CRIM1: variants seen among roughly 807,000 people sequenced by gnomAD.
CRIM1 encodes the protein cysteine rich transmembrane BMP regulator 1, also known as cysteine-rich motor neuron 1 protein.
Under a neutral mutation model 116.4 loss-of-function variants are expected in CRIM1, and 32 were observed. The ratio of observed to expected loss-of-function variants is 0.27; its 90% CI spans 0.21 to 0.37. The LOEUF (loss-of-function observed/expected upper bound fraction) is 0.37, where lower values mean the gene tolerates loss of function less well. Among genes scored for constraint, CRIM1 ranks in the 10% least tolerant of loss-of-function variants. The pLI is 1.00. For missense variants in CRIM1, 1,331 were observed against 1,354.8 expected (o/e 0.98, Z 0.28); for synonymous variants, 590 against 509.2 (o/e 1.16, Z -2.13).
At chr2:36,393,199 G>T (rs1056592807) in intron 1 of CRIM1, among the ~76,000 whole-genome samples, 1 of 152,156 alleles carries the variant, frequency 6.6e-6, no homozygotes, top group African/African-American at 2.4e-5. Context: ...TGAACGGGGG[G>T]AAGAGAGTAA....
chr2:36,358,656 T>C (rs539268643), intron 1 of CRIM1, among the ~76,000 whole-genome samples: 9 of 152,340 alleles, frequency 5.9e-5, no homozygotes, highest in African/African-American at 2.2e-4. Context: ...CGCTTTGAAA[T>C]GCTTGGAAGG....
intron 2 of CRIM1, among the ~76,000 whole-genome samples, chr2:36,420,980 C>A (rs1674015264): frequency 1.3e-5 from 2 of 152,132 alleles, no homozygotes; most frequent in Admixed American, 1.3e-4. Context: ...TCTGGAAACC[C>A]CGTGGTGTTT....
In CRIM1 at chr2:36,544,441, C is replaced by A; in HGVS notation, c.2689C>A (p.Leu897Met). 7.0e-7 allele frequency: 1 copy of A among 1,426,304 alleles called. No individual in the cohort carries two copies. Among genetic ancestry groups the A allele is most frequent in the South Asian group, 1.8e-5 (1 of 54,278 alleles). The allele number at this position is 1,426,304 out of a possible 1,614,324, so 88.4% of individuals were successfully genotyped here. A position where few individuals can be genotyped will look rare whatever the true frequency, so the allele number is the denominator to read the frequency against. The change falls in exon 15 of 17, where the codon CTG (leucine) becomes ATG (methionine). Residue 897 changes from leucine to methionine, a missense_variant. By Grantham distance (15) the Leu-to-Met change is conservative. Coordinates refer to ENST00000280527, the MANE Select transcript of CRIM1 (RefSeq NM_016441.3). Reference protein sequence around the residue: ...EKTNHRGEVDLEVPLWPTPSE... With the variant: ...EKTNHRGEVDMEVPLWPTPSE... ...GACAAACCATCGAGGAGAGGTTGACCTGGAGGTTCCCCTGTGGCCCACGCC... is the reference window on the plus strand; with the variant it reads ...GACAAACCATCGAGGAGAGGTTGACATGGAGGTTCCCCTGTGGCCCACGCC...
chr2:36,473,894 T>C (rs1248537513), intron 5 of CRIM1, among the ~76,000 whole-genome samples: 5 of 152,190 alleles, frequency 3.3e-5, no homozygotes, highest in Admixed American at 2.0e-4. Flanking sequence ...TAGAGTTGCT[T>C]GATGATATGA....
At position 36,479,630 on chromosome 2, in the gene CRIM1, C is replaced by G. The variant is rs77551206; in HGVS notation, c.1308C>G (p.Thr436=). The G allele has an allele frequency of 2.3e-4, 379 of 1,614,212 alleles. 1 individual carries two copies. The African/African-American group carries it at 4.7e-3, about 20-fold the overall frequency. Residue 436 remains threonine (T), a synonymous_variant, in exon 7 of 17, where the codon ACC becomes ACG. Coordinates refer to ENST00000280527, the MANE Select transcript of CRIM1 (RefSeq NM_016441.3). ...ACGGTGAACGCCACTGCGTTGCGAC[C>G]GTCTGCGGACAGACCTGCACAAACC... ...CVNGERHCVA[T]VCGQTCTNPV...
At chr2:36,429,891 T>C (rs898354088) in intron 2 of CRIM1, among the ~76,000 whole-genome samples, 1 of 152,116 alleles carries the variant, frequency 6.6e-6, no homozygotes, top group Non-Finnish European at 1.5e-5. Flanking sequence ...TGTACCCTGA[T>C]GGGAGTCCTG....
chr2:36,363,408 A>G (rs1669361456), intron 1 of CRIM1, among the ~76,000 whole-genome samples: 1 of 151,570 alleles, frequency 6.6e-6, no homozygotes, highest in Non-Finnish European at 1.5e-5. Flanking sequence ...AAACAATTTT[A>G]CTTGGGCTCA....
intron 1 of CRIM1, among the ~76,000 whole-genome samples, chr2:36,373,693 C>A (rs531213952): frequency 1.6e-4 from 25 of 152,274 alleles, no homozygotes; most frequent in African/African-American, 6.0e-4. Flanking sequence ...TGCAGGCATT[C>A]TCTGTCAGTC....
intron 7 of CRIM1, among the ~76,000 whole-genome samples, chr2:36,491,131 C>A (rs986593710): frequency 6.6e-6 from 1 of 152,134 alleles, no homozygotes; most frequent in Non-Finnish European, 1.5e-5. Flanking sequence ...AGGGTAGTTC[C>A]AGAAGTGAAT....
intron 5 of CRIM1, among the ~76,000 whole-genome samples, chr2:36,473,688 T>C (rs983643357): frequency 6.6e-6 from 1 of 152,230 alleles, no homozygotes; most frequent in Non-Finnish European, 1.5e-5. Flanking sequence ...ATTCATGTTA[T>C]ATTGCATATC....
At chr2:36,447,219 G>T (rs1415707610) in intron 4 of CRIM1, among the ~76,000 whole-genome samples, 2 of 152,116 alleles carry the variant, frequency 1.3e-5, no homozygotes, top group South Asian at 4.1e-4. Context: ...CAGGTTCAAG[G>T]CTTCAACCCA....
chr2:36,379,507 C>A (rs984142412), intron 1 of CRIM1, among the ~76,000 whole-genome samples: 1 of 152,180 alleles, frequency 6.6e-6, no homozygotes, highest in African/African-American at 2.4e-5. Context: ...ACAGTGCGGC[C>A]TTCCCAAAGT....
chr2:36,545,066 A>G (rs1302696073), intron 15 of CRIM1, among the ~76,000 whole-genome samples: 1 of 152,110 alleles, frequency 6.6e-6, no homozygotes, highest in African/African-American at 2.4e-5. Context: ...AGCTGTCACT[A>G]TTTCCTTTTC....
At chr2:36,441,567 C>G in intron 3 of CRIM1, 67 bp downstream of exon 3, 2 of 1,559,662 alleles carry the variant, frequency 1.3e-6, no homozygotes, top group Non-Finnish European at 1.7e-6. Flanking sequence ...CCCTCCTCAG[C>G]CACCCCTGGC....
At chr2:36,486,041 A>G (rs139327595) in intron 7 of CRIM1, among the ~76,000 whole-genome samples, 177 of 152,306 alleles carry the variant, frequency 1.2e-3, no homozygotes, top group Non-Finnish European at 2.0e-3. Context: ...AAATTTTTCA[A>G]TGTTGAATAT....
chr2:36,538,438 C>A (rs1458195973), intron 14 of CRIM1, among the ~76,000 whole-genome samples: 1 of 152,164 alleles, frequency 6.6e-6, no homozygotes, highest in Non-Finnish European at 1.5e-5. Context: ...GCTTTTCTGT[C>A]TTACCTCGAT....
chr2:36,388,030 A>G (rs1313909905), intron 1 of CRIM1, among the ~76,000 whole-genome samples: 4 of 151,110 alleles, frequency 2.6e-5, no homozygotes, highest in South Asian at 2.1e-4. Flanking sequence ...GTCCCCATCA[A>G]TGTTGACATA....
chr2:36,390,071 G>T (rs1225065499), intron 1 of CRIM1, among the ~76,000 whole-genome samples: 1 of 152,082 alleles, frequency 6.6e-6, no homozygotes, highest in Non-Finnish European at 1.5e-5. Context: ...CATGTCAAAT[G>T]TAGAAGGAAA....
chr2:36,522,441 C>G, intron 13 of CRIM1, 128 bp downstream of exon 13: 1 of 704,710 alleles, frequency 1.4e-6, no homozygotes, highest in South Asian at 1.7e-5. Flanking sequence ...TCACACAGAC[C>G]CAGTGTAGCA....
Sources: gnomAD v4.1 joint callset for allele counts (sites outside exome capture counted in the v4.1 genomes callset) on GRCh38, gnomAD v4.1.1 for gene constraint, MANE v1.5 for transcripts, NCBI Gene and HGNC (gene_info 2026-07-23, HGNC 2026-07-21) for gene names.